Variants in FANCL observed in about 807,000 individuals in gnomAD.
FANCL encodes the protein FA complementation group L.
In FANCL, 69 loss-of-function variants were observed where a neutral mutation model predicts 59.4. That is an observed-to-expected ratio of 1.16 (90% CI 0.96 to 1.42). The LOEUF is 1.42. FANCL is among the 40% of genes most tolerant of loss of function. FANCL has a pLI of 0.00. For synonymous variants in FANCL, 180 were observed against 147.1 expected (o/e 1.22, Z -1.62); for missense variants, 519 against 447.2 (o/e 1.16, Z -1.45).
chr2:58,170,717 T>C (rs1453909471), intron 7 of FANCL, among the ~76,000 whole-genome samples: 2 of 149,214 alleles, frequency 1.3e-5, no homozygotes, highest in African/African-American at 4.9e-5. Context: ...AAGCATGGTT[T>C]GCAATACCAG....
At chr2:58,237,489 A>G (rs1474709152) in intron 1 of FANCL, among the ~76,000 whole-genome samples, 1 of 152,142 alleles carries the variant, frequency 6.6e-6, no homozygotes, top group Non-Finnish European at 1.5e-5. Flanking sequence ...AAAGCACTAA[A>G]TATCTGTACT....
At chr2:58,224,987 A>G (rs561684406) in intron 4 of FANCL, among the ~76,000 whole-genome samples, 106 of 152,044 alleles carry the variant, frequency 7.0e-4, no homozygotes, top group Non-Finnish European at 1.4e-3. Flanking sequence ...ACTATTTCCC[A>G]CAAAGAAATC....
At chr2:58,191,133 A>G (rs1261031493) in intron 7 of FANCL, among the ~76,000 whole-genome samples, 2 of 151,864 alleles carry the variant, frequency 1.3e-5, no homozygotes, top group Non-Finnish European at 3.0e-5. Flanking sequence ...ATTATAAAAA[A>G]AAAAATTCAA....
At chr2:58,177,113 T>C (rs963747524) in intron 7 of FANCL, among the ~76,000 whole-genome samples, 3 of 152,110 alleles carry the variant, frequency 2.0e-5, no homozygotes, top group South Asian at 2.1e-4. Flanking sequence ...ATGGCAATCA[T>C]TAAAAAGTCA....
At position 58,223,110 on chromosome 2, in the gene FANCL, T is replaced by C. The variant is rs142400219; in HGVS notation, c.274-1068A>G. Among the ~76,000 whole-genome samples the C allele has an allele frequency of 6.3e-3, 951 of 151,540 alleles. 9 individuals carry two copies. Among genetic ancestry groups the C allele is most frequent in the African/African-American group, 0.022 (915 of 41,366 alleles). On this transcript the variant is annotated intron_variant, in intron 4 of 13. Transcript: ENST00000233741. ...AACCAAAACTATTAACGGGAACTAC[T>C]TCAATTTCGTTCTGAATCTGCTTTA...
chr2:58,185,859 G>A (rs190976618), intron 7 of FANCL, among the ~76,000 whole-genome samples: 2 of 152,218 alleles, frequency 1.3e-5, no homozygotes, highest in Admixed American at 6.6e-5. Context: ...CAGTAGTTTG[G>A]CTTGTACAGT....
intron 7 of FANCL, among the ~76,000 whole-genome samples, chr2:58,175,500 A>T (rs1477321924): frequency 2.0e-5 from 3 of 152,022 alleles, no homozygotes; most frequent in African/African-American, 7.3e-5. Flanking sequence ...CAATAAATGT[A>T]ATCCAGCACA....
chr2:58,198,988 C>T (rs1689720581), intron 6 of FANCL, among the ~76,000 whole-genome samples: 1 of 146,590 alleles, frequency 6.8e-6, no homozygotes, highest in African/African-American at 2.6e-5. Context: ...GAGACTGCGC[C>T]ACTGCACTCC....
rs79791335 is a variant in FANCL at position 58,227,999 on chromosome 2, C to T, written c.217-1215G>A. ...GAAGAGGAGTATAAAATATAAAAAT[C>T]AGGCAACTCTATGTAATTTTTAAAA... On this transcript the variant is annotated intron_variant, in intron 3 of 13. Transcript: ENST00000233741. Among the ~76,000 whole-genome samples the T allele has an allele frequency of 4.0e-3, 613 of 152,034 alleles. 7 individuals are homozygous for T. Among genetic ancestry groups the T allele is most frequent in the African/African-American group, 0.014 (581 of 41,468 alleles).
rs562131075 is a variant in FANCL, at chr2:58,211,247, C to A, written c.375-7021G>T. Among the ~76,000 whole-genome samples the A allele has an allele frequency of 2.0e-5, 3 of 152,350 alleles. No homozygotes were observed. The East Asian group carries it at 5.8e-4, about 29-fold the overall frequency. On this transcript the variant is annotated intron_variant, in intron 5 of 13. Transcript: ENST00000233741. ...TCAGTTCTGGACTTCTGTGCACCCA[C>A]AGGCTCAACAACATGTGGAAGCTGC...
intron 1 of FANCL, among the ~76,000 whole-genome samples, chr2:58,236,654 T>A (rs1414469983): frequency 1.3e-5 from 2 of 151,880 alleles, no homozygotes; most frequent in African/African-American, 4.8e-5. Flanking sequence ...TAAATGTAAA[T>A]AGTCGAAGCA....
At chr2:58,208,445 G>A (rs1690803760) in intron 5 of FANCL, among the ~76,000 whole-genome samples, 1 of 152,114 alleles carries the variant, frequency 6.6e-6, no homozygotes, top group Non-Finnish European at 1.5e-5. Context: ...TAAAGCTTCA[G>A]GGATGTTTTT....
chr2:58,218,898 T>A (rs181862205), intron 5 of FANCL, among the ~76,000 whole-genome samples: 1 of 151,536 alleles, frequency 6.6e-6, no homozygotes, highest in African/African-American at 2.4e-5. Flanking sequence ...AATGGTTATA[T>A]ACAAAAACAT....
intron 7 of FANCL, among the ~76,000 whole-genome samples, chr2:58,178,200 A>C (rs1044994691): frequency 6.6e-6 from 1 of 151,900 alleles, no homozygotes; most frequent in Non-Finnish European, 1.5e-5. Context: ...AAACTATTTC[A>C]AACAGAAAAA....
chr2:58,172,113 G>A (rs1337175565), intron 7 of FANCL, among the ~76,000 whole-genome samples: 1 of 152,210 alleles, frequency 6.6e-6, no homozygotes, highest in Non-Finnish European at 1.5e-5. Flanking sequence ...GAACTGGGTG[G>A]AGCCCACCAC....
chr2:58,197,018 C>T (rs1334347152), intron 7 of FANCL, among the ~76,000 whole-genome samples: 2 of 150,408 alleles, frequency 1.3e-5, no homozygotes, highest in Admixed American at 6.6e-5. Flanking sequence ...TGCATAATTC[C>T]AATTCTTTAA....
At position 58,160,100 on chromosome 2, in the gene FANCL, T is replaced by C. The variant is rs1337458150; in HGVS notation, c.1092+8A>G. 2 of 1,611,640 alleles carry C rather than the reference T, an allele frequency of 1.2e-6. No individual in the cohort carries two copies. Among genetic ancestry groups the C allele is most frequent in the Non-Finnish European group, 1.7e-6 (2 of 1,178,146 alleles). The stretch of plus-strand genomic sequence containing the variant: ...CATTTTATGAGATGTGATTAACAAT[T>C]TGCTTACCTTACTACAATATGGACA... On this transcript the variant is annotated splice_region_variant and intron_variant, in intron 13 of 13. Transcript: ENST00000233741.
At chr2:58,191,754 T>C (rs1688944201) in intron 7 of FANCL, among the ~76,000 whole-genome samples, 1 of 151,792 alleles carries the variant, frequency 6.6e-6, no homozygotes, top group African/African-American at 2.4e-5. Context: ...AGACTACTTC[T>C]TTGCCCATAT....
chr2:58,184,875 G>A (rs1688255500), intron 7 of FANCL, among the ~76,000 whole-genome samples: 1 of 152,042 alleles, frequency 6.6e-6, no homozygotes, highest in South Asian at 2.1e-4. Context: ...AACAAGGTGA[G>A]AATAAATAAT....
Sources: allele counts gnomAD v4.1 joint callset (sites outside exome capture counted in the v4.1 genomes callset), GRCh38; gene constraint gnomAD v4.1.1; transcripts MANE v1.5; gene names NCBI Gene and HGNC (gene_info 2026-07-23, HGNC 2026-07-21).